The following ZSCAN18 variants were observed in gnomAD, a reference collection of about 807,000 sequenced individuals.
ZSCAN18 encodes the protein zinc finger and SCAN domain containing 18.
Under a neutral mutation model 31.1 loss-of-function variants are expected in ZSCAN18, and 16 were observed. That is an observed-to-expected ratio of 0.51 (90% CI 0.35 to 0.78). The LOEUF (loss-of-function observed/expected upper bound fraction) is 0.78. Ranked by LOEUF, ZSCAN18 falls within the 30% of genes least tolerant of loss-of-function variation. ZSCAN18 has a pLI of 0.01. For synonymous variants in ZSCAN18, 375 were observed against 320.7 expected, an observed-to-expected ratio of 1.17 and a Z score of -1.81; for missense variants, 731 against 697.4, an observed-to-expected ratio of 1.05 and a Z score of -0.54.
At chr19:58,117,329 G>A (rs887235225) in intron 1 of ZSCAN18, among the ~76,000 whole-genome samples, 1 of 152,102 alleles carries the variant, frequency 6.6e-6, no homozygotes, top group Non-Finnish European at 1.5e-5. Context: ...CAGCATTCGG[G>A]CATCAGAGGT....
intron 1 of ZSCAN18, chr19:58,092,801 T>TAAGACC: frequency 1.3e-6 from 1 of 781,948 alleles, no homozygotes; most frequent in Non-Finnish European, 1.5e-6. Flanking sequence ...AAACACAGGG[T>TAAGACC]CTTACTCTGT....
chr19:58,088,002 C>T (rs1031533376), intron 3 of ZSCAN18: 1 of 153,504 alleles, frequency 6.5e-6, no homozygotes, highest in African/African-American at 2.4e-5. Flanking sequence ...CAGTGGGCAC[C>T]TTCCGTGCTG....
rs752988009 is a variant in ZSCAN18, at chr19:58,085,213, C to T, written c.1005G>A (p.Pro335=). The part of the protein sequence containing the change: ...EEEQPGKAPD[P]QDPQDAESDS... The stretch of plus-strand genomic sequence containing the variant: ...CGGACTCCGCGTCCTGGGGGTCCTG[C>T]GGGTCCGGGGCCTTCCCAGGCTGCT... Residue 335 remains proline, a synonymous_variant, in exon 7 of 7, where the codon CCG becomes CCA. Coordinates refer to ENST00000601144, the MANE Select transcript of ZSCAN18 (RefSeq NM_001145543.2). The T allele has an allele frequency of 3.7e-6, 6 of 1,608,828 alleles. No individual in the cohort carries two copies. The South Asian group carries it at 6.6e-5, about 18-fold the overall frequency.
At chr19:58,098,032 T>C (rs924357346) in intron 1 of ZSCAN18, 142 bp downstream of exon 1, 1 of 985,780 alleles carries the variant, frequency 1.0e-6, no homozygotes, top group Non-Finnish European at 1.2e-6. Flanking sequence ...CTCGGCCTCC[T>C]GGACGCACAG....
At chr19:58,088,915 G>A in intron 2 of ZSCAN18, 78 bp from the exon 3 acceptor site, 1 of 1,455,270 alleles carries the variant, frequency 6.9e-7, no homozygotes, top group Non-Finnish European at 9.3e-7. Flanking sequence ...AAACCACAGG[G>A]ACCTGCAGGC....
intron 1 of ZSCAN18, chr19:58,109,400 T>C: frequency 1.7e-6 from 2 of 1,207,970 alleles, no homozygotes; most frequent in Non-Finnish European, 2.1e-6. Flanking sequence ...CAGGCCAGTA[T>C]CTATTATATC....
At chr19:58,096,356 G>A (rs1165337252) in intron 1 of ZSCAN18, among the ~76,000 whole-genome samples, 2 of 152,212 alleles carry the variant, frequency 1.3e-5, no homozygotes, top group African/African-American at 4.8e-5. Context: ...TCCAGGATTT[G>A]CCTCAGATGG....
At chr19:58,092,197 A>C (rs2074426409) in intron 1 of ZSCAN18, among the ~76,000 whole-genome samples, 1 of 152,172 alleles carries the variant, frequency 6.6e-6, no homozygotes, top group African/African-American at 2.4e-5. Flanking sequence ...TGCATATTAA[A>C]AACCAATGAA....
At chr19:58,096,756 C>A (rs1417347955) in intron 1 of ZSCAN18, among the ~76,000 whole-genome samples, 1 of 152,186 alleles carries the variant, frequency 6.6e-6, no homozygotes, top group Non-Finnish European at 1.5e-5. Flanking sequence ...GTTGATGGGT[C>A]GCCGGATATT....
chr19:58,084,906 G>C lies in ZSCAN18; in HGVS notation c.1312C>G (p.Arg438Gly). The change falls in exon 7 of 7, where the codon CGG becomes GGG. Residue 438 changes from arginine to glycine, a missense_variant. By Grantham distance (125) the Arg-to-Gly change is moderately radical (BLOSUM62 -2). Around this residue, in one of 4 missense-constraint regions of ZSCAN18, gnomAD observed 597 missense variants for 499.5 expected, o/e 1.20. Coordinates refer to ENST00000601144, the MANE Select transcript of ZSCAN18 (RefSeq NM_001145543.2). This position sits in a 1 kb window ranked among gnomAD's most constrained non-coding sequence, Gnocchi z 4.5. ...LMEHHSSHGG[R>G]KRYACQGCWK... Reference sequence around the variant, plus strand: ...CAGCCCTGACAGGCGTAGCGCTTCCGGCCGCCATGGCTGCTGTGGTGCTCC... The same window carrying C: ...CAGCCCTGACAGGCGTAGCGCTTCCCGCCGCCATGGCTGCTGTGGTGCTCC... The C allele has an allele frequency of 6.3e-7, 1 of 1,593,130 alleles. No homozygotes were observed. Among genetic ancestry groups the C allele is most frequent in the East Asian group, 2.3e-5 (1 of 44,088 alleles).
chr19:58,118,200 CACAG>C, intron 1 of ZSCAN18: 1 of 780,566 alleles, frequency 1.3e-6, no homozygotes, highest in Non-Finnish European at 1.9e-6. Context: ...CGCGTACCCT[CACAG>C]ACAGAAAGAG....
At chr19:58,114,087 G>A (rs1035259746) in intron 1 of ZSCAN18, among the ~76,000 whole-genome samples, 1 of 152,048 alleles carries the variant, frequency 6.6e-6, no homozygotes, top group Admixed American at 6.6e-5. Flanking sequence ...GGCCAACATA[G>A]TGAAACCCCA....
At chr19:58,096,934 T>A (rs1190699061) in intron 1 of ZSCAN18, among the ~76,000 whole-genome samples, 1 of 152,166 alleles carries the variant, frequency 6.6e-6, no homozygotes, top group African/African-American at 2.4e-5. Context: ...CAGAGAGATG[T>A]CCTGCGCAAC....
At position 58,098,219 on chromosome 19, in the gene ZSCAN18, A is replaced by C. The variant is rs1283051569; in HGVS notation, c.-165T>G. 2.0e-5 allele frequency: 20 copies of C among 985,360 alleles called. No individual in the cohort carries two copies. The highest frequency in any genetic ancestry group is 2.4e-5 in the Non-Finnish European group (20 of 829,994). The allele number at this position is 985,360 out of a possible 1,614,324, so 61.0% of individuals were successfully genotyped here. A position where few individuals can be genotyped will look rare whatever the true frequency, so the allele number is the denominator to read the frequency against. On this transcript the variant is annotated 5_prime_UTR_variant, in exon 1 of 7. Transcript: ENST00000601144. ...GCCGGTCCCAGCCGCCCGGAGCCCC[A>C]GTGCGCGATGGCGGCCGGCAAACTG...
chr19:58,085,466 CGCACAGG>C (rs1386471330), intron 6 of ZSCAN18, 87 bp from the exon 7 acceptor site: 11 of 1,211,412 alleles, frequency 9.1e-6, no homozygotes, highest in African/African-American at 1.6e-5. Flanking sequence ...GCCGGAACAG[CGCACAGG>C]GCTCCGGGCT....
At chr19:58,086,568 G>T in intron 5 of ZSCAN18, 1 of 460,414 alleles carries the variant, frequency 2.2e-6, no homozygotes, top group Non-Finnish European at 3.9e-6. Context: ...GGTTTCTGGG[G>T]CAAGAACGTC....
intron 2 of ZSCAN18, among the ~76,000 whole-genome samples, chr19:58,089,626 A>AAAAT (rs767220262): frequency 1.7e-4 from 26 of 152,330 alleles, no homozygotes; most frequent in South Asian, 2.1e-4. Context: ...CTCCGTCTCA[A>AAAAT]AAATAAATAA....
intron 1 of ZSCAN18, among the ~76,000 whole-genome samples, chr19:58,095,742 C>G (rs1474951046): frequency 1.3e-5 from 2 of 152,194 alleles, no homozygotes; most frequent in Non-Finnish European, 2.9e-5. Context: ...CCCCTGGGGA[C>G]AGGAACGGGA....
chr19:58,101,712 G>A (rs892167704), upstream of ZSCAN18, among the ~76,000 whole-genome samples: 1 of 151,474 alleles, frequency 6.6e-6, no homozygotes, highest in Non-Finnish European at 1.5e-5. Flanking sequence ...TAGAGACGGG[G>A]TTTCACCATG....
Sources: allele counts gnomAD v4.1 joint callset (sites outside exome capture counted in the v4.1 genomes callset), GRCh38; gene constraint gnomAD v4.1.1; regional missense constraint gnomAD v4.1.1; non-coding constraint Gnocchi (gnomAD v3.1); transcripts MANE v1.5; gene names NCBI Gene and HGNC (gene_info 2026-07-23, HGNC 2026-07-21).